Variants in TULP4 observed in about 807,000 individuals in gnomAD.
TULP4 encodes tubby-related protein 4.
TULP4 carries 16 observed loss-of-function variants against 129.0 expected under a neutral mutation model. The ratio of observed to expected loss-of-function variants is 0.12; its 90% confidence interval spans 0.08 to 0.19. The LOEUF (loss-of-function observed/expected upper bound fraction) is 0.19, where lower values mean the gene tolerates loss of function less well. Ranked by LOEUF, TULP4 falls within the 10% of genes least tolerant of loss-of-function variation. The probability of loss-of-function intolerance (pLI) is 1.00; values close to 1 mark genes in which losing one functional copy is unlikely to be tolerated. For missense variants in TULP4, 1,842 were observed against 2,059.1 expected (o/e 0.89, Z 2.04); for synonymous variants, 998 against 854.0 (o/e 1.17, Z -2.94).
intron 1 of TULP4, among the ~76,000 whole-genome samples, chr6:158,233,498 C>G (rs1353523022): frequency 6.6e-6 from 1 of 152,200 alleles, no homozygotes. Context: ...AGTTGAAGTT[C>G]TTGCAGACAA....
At chr6:158,477,864 C>T (rs997820923) in intron 6 of TULP4, among the ~76,000 whole-genome samples, 1 of 152,186 alleles carries the variant, frequency 6.6e-6, no homozygotes, top group Admixed American at 6.5e-5. Flanking sequence ...CCTAAATGCC[C>T]ATCAGCAGTA....
chr6:158,343,462 A>G (rs539356499), intron 1 of TULP4, among the ~76,000 whole-genome samples: 8 of 152,270 alleles, frequency 5.3e-5, no homozygotes, highest in Admixed American at 2.0e-4. Flanking sequence ...CTCCAAAGTC[A>G]TAGTGTTAGG....
intron 1 of TULP4, among the ~76,000 whole-genome samples, chr6:158,365,258 A>T (rs1417101025): frequency 6.6e-6 from 1 of 151,902 alleles, no homozygotes; most frequent in African/African-American, 2.4e-5. Flanking sequence ...TCTCTATTCT[A>T]TACACAGAGT....
chr6:158,504,190 G>T lies in TULP4; in HGVS notation c.4515+12G>T, dbSNP rs3895471. The T allele has an allele frequency of 2.8e-3, 4,287 of 1,546,976 alleles. 103 individuals are homozygous for T. In the African/African-American group the frequency reaches 0.052, roughly 19 times the overall value. ...TAGAGGGGCGGCAGGTAAGACCTCA[G>T]ACCAGGTGGCGCTGCGAGCCCAGGA... is the stretch of plus-strand genomic sequence containing the variant. On this transcript the variant is annotated intron_variant, in intron 13 of 13. Coordinates refer to ENST00000367097, the MANE Select transcript of TULP4 (RefSeq NM_020245.5).
intron 1 of TULP4, among the ~76,000 whole-genome samples, chr6:158,389,965 G>A (rs977761790): frequency 5.3e-5 from 8 of 152,138 alleles, no homozygotes; most frequent in African/African-American, 1.9e-4. Flanking sequence ...ATAAAAGTTA[G>A]CCGGGTGTGG....
At chr6:158,478,716 C>T (rs28684964) in intron 6 of TULP4, among the ~76,000 whole-genome samples, 16 of 152,168 alleles carry the variant, frequency 1.1e-4, no homozygotes, top group Non-Finnish European at 1.8e-4. Context: ...CTGTCTGGAT[C>T]GGAATGAACA....
chr6:158,360,814 T>C (rs1313933938), intron 1 of TULP4, among the ~76,000 whole-genome samples: 1 of 152,210 alleles, frequency 6.6e-6, no homozygotes, highest in Admixed American at 6.5e-5. Flanking sequence ...TCATGCTCTG[T>C]CATGTATAAT....
At chr6:158,277,306 T>C (rs540985391), upstream of TULP4, among the ~76,000 whole-genome samples, 1 of 152,320 alleles carries the variant, frequency 6.6e-6, no homozygotes, top group South Asian at 2.1e-4. Flanking sequence ...GACCTCTCAG[T>C]CAGGGAGGTC....
chr6:158,304,884 C>G (rs1434487524), intron 1 of TULP4, among the ~76,000 whole-genome samples: 1 of 151,948 alleles, frequency 6.6e-6, no homozygotes, highest in East Asian at 1.9e-4. Context: ...CCATGCTGGT[C>G]TGAAACTCCT....
chr6:158,247,970 A>G (rs1170533018), intron 1 of TULP4, among the ~76,000 whole-genome samples: 6 of 152,216 alleles, frequency 3.9e-5, no homozygotes, highest in Non-Finnish European at 7.3e-5. Flanking sequence ...GGAGGCACAA[A>G]TTCAGCTCCA....
chr6:158,442,467 C>T (rs1418953511), intron 3 of TULP4, among the ~76,000 whole-genome samples: 1 of 151,934 alleles, frequency 6.6e-6, no homozygotes, highest in African/African-American at 2.4e-5. Flanking sequence ...GTTCCCCCAA[C>T]AGGCTCTGAC....
chr6:158,274,797 C>A (rs1030861611), intron 1 of TULP4, among the ~76,000 whole-genome samples: 148 of 151,772 alleles, frequency 9.8e-4, no homozygotes, highest in East Asian at 5.8e-4. Flanking sequence ...AACAAAAAAC[C>A]AAAACCTTCC....
chr6:158,364,754 T>C (rs1306903867), intron 1 of TULP4, among the ~76,000 whole-genome samples: 3 of 152,180 alleles, frequency 2.0e-5, no homozygotes, highest in Non-Finnish European at 4.4e-5. Context: ...GTTTGTTTTT[T>C]AAGACGGAGT....
chr6:158,396,590 A>G (rs1777723176), intron 1 of TULP4, among the ~76,000 whole-genome samples: 1 of 152,176 alleles, frequency 6.6e-6, no homozygotes, highest in Non-Finnish European at 1.5e-5. Context: ...AGCATTCTCT[A>G]ATTTTTATGT....
intron 1 of TULP4, among the ~76,000 whole-genome samples, chr6:158,320,523 C>G (rs920482332): frequency 6.6e-6 from 1 of 151,936 alleles, no homozygotes; most frequent in African/African-American, 2.4e-5. Flanking sequence ...CCTCCGCCCC[C>G]CAGGTTCAAG....
intron 1 of TULP4, among the ~76,000 whole-genome samples, chr6:158,365,895 C>CT (rs1780938521): frequency 1.9e-4 from 15 of 78,282 alleles, no homozygotes; most frequent in African/African-American, 2.4e-4. Flanking sequence ...TTTTCTTTTT[C>CT]TTTCTTTTTT....
At position 158,260,110 on chromosome 6, in the gene TULP4, G is replaced by C. The variant is rs372929939; in HGVS notation, n.68+27807G>C. Among the ~76,000 whole-genome samples the C allele has an allele frequency of 8.5e-5, 13 of 152,260 alleles. No homozygotes were observed. The East Asian group carries it at 2.1e-3, about 25-fold the overall frequency. ...GTTCTGGCCCTCTAATCATATGCTT[G>C]GTCTTTCTGGAATGGCCAGCCCATC... On this transcript the variant is annotated intron_variant and non_coding_transcript_variant, in intron 1 of 1. Transcript: ENST00000620026.
intron 3 of TULP4, among the ~76,000 whole-genome samples, chr6:158,447,180 A>G (rs1779068476): frequency 6.6e-6 from 1 of 152,172 alleles, no homozygotes; most frequent in African/African-American, 2.4e-5. Flanking sequence ...AGTACATTAA[A>G]CATCTGCCTC....
intron 1 of TULP4, among the ~76,000 whole-genome samples, chr6:158,291,990 G>A (rs1460887464): frequency 6.6e-6 from 1 of 152,194 alleles, no homozygotes; most frequent in African/African-American, 2.4e-5. Flanking sequence ...TGTTTGTACT[G>A]AGAACTCATG....
Sources: gnomAD v4.1 joint callset for allele counts (sites outside exome capture counted in the v4.1 genomes callset) on GRCh38, gnomAD v4.1.1 for gene constraint, MANE v1.5 for transcripts, NCBI Gene and HGNC (gene_info 2026-07-23, HGNC 2026-07-21) for gene names.